The following LATS2 variants were observed in gnomAD, a reference collection of about 807,000 sequenced individuals.
LATS2 encodes the protein serine/threonine-protein kinase LATS2.
In LATS2, 24 loss-of-function variants were observed where a neutral mutation model predicts 76.0. That is an observed-to-expected ratio of 0.32 (90% CI 0.23 to 0.44). The LOEUF (loss-of-function observed/expected upper bound fraction) is 0.44, where lower values mean the gene tolerates loss of function less well. LATS2 is among the 20% of genes least tolerant of loss of function. The pLI, the probability that LATS2 is intolerant of heterozygous loss-of-function variation, is 1.00. For synonymous variants in LATS2, 692 were observed against 635.4 expected, an observed-to-expected ratio of 1.09 and a Z score of -1.34; for missense variants, 1,286 against 1,481.2, an observed-to-expected ratio of 0.87 and a Z score of 2.16.
At chr13:21,051,399 G>T (rs1182835013) in intron 1 of LATS2, among the ~76,000 whole-genome samples, 2 of 152,226 alleles carry the variant, frequency 1.3e-5, no homozygotes, top group Non-Finnish European at 1.5e-5. Context: ...TTTGCCCAAA[G>T]AATTATGGGG....
chr13:21,028,630 G>C (rs1262428783), intron 2 of LATS2, among the ~76,000 whole-genome samples: 1 of 152,144 alleles, frequency 6.6e-6, no homozygotes, highest in African/African-American at 2.4e-5. Flanking sequence ...GAGTGCAGTA[G>C]CGCGATCTTG....
rs754974571 is a variant in LATS2, at chr13:20,974,855, G to A, written c.*15C>T. ...ACCTGGGAGGCAGCGAGTGGTGGGG[G>A]TGCCTGGCCCCCATCTACACGTACA... On this transcript the variant is annotated 3_prime_UTR_variant, in exon 8 of 8. Transcript: ENST00000382592. 3.8e-6 allele frequency: 6 copies of A among 1,588,574 alleles called. No homozygotes were observed. Among genetic ancestry groups the A allele is most frequent in the Non-Finnish European group, 4.3e-6 (5 of 1,166,470 alleles).
At chr13:20,995,988 AG>A (rs1249611847) in intron 2 of LATS2, among the ~76,000 whole-genome samples, 1 of 152,200 alleles carries the variant, frequency 6.6e-6, no homozygotes, top group African/African-American at 2.4e-5. Context: ...AAAACCCTCA[AG>A]AAAGCTTAAT....
In LATS2 at chr13:20,988,616, C is replaced by T. The variant is rs1870317803; in HGVS notation, c.1164G>A (p.Ala388=). Residue 388 remains alanine, a synonymous_variant, in exon 4 of 8, where the codon GCG becomes GCA. Transcript: ENST00000382592. The part of the protein sequence containing the change: ...RDSLQKPGLE[A]PPRAHVAFRP... The stretch of plus-strand genomic sequence containing the variant: ...GGAAGGCCACGTGCGCGCGCGGCGG[C>T]GCCTCCAGGCCCGGCTTCTGCAGGG... 1.3e-6 allele frequency: 2 copies of T among 1,588,854 alleles called. No homozygotes were observed. Among genetic ancestry groups the T allele is most frequent in the South Asian group, 2.2e-5 (2 of 90,208 alleles).
intron 2 of LATS2, among the ~76,000 whole-genome samples, chr13:21,036,857 G>A (rs917830879): frequency 2.6e-5 from 4 of 152,176 alleles, no homozygotes; most frequent in South Asian, 2.1e-4. Flanking sequence ...AGTAGTAGTA[G>A]TGATAATATT....
chr13:21,014,763 A>T (rs1871736096), intron 2 of LATS2, among the ~76,000 whole-genome samples: 1 of 152,242 alleles, frequency 6.6e-6, no homozygotes, highest in South Asian at 2.1e-4. Context: ...ATACCTTTTT[A>T]AAAAAGAATG....
At chr13:21,056,556 C>T (rs146839607) in intron 1 of LATS2, among the ~76,000 whole-genome samples, 1 of 152,148 alleles carries the variant, frequency 6.6e-6, no homozygotes, top group Admixed American at 6.5e-5. Flanking sequence ...TAATAGCAAG[C>T]GACCCAACAG....
In LATS2 at chr13:21,046,666, T is replaced by C. The variant is rs958786295; in HGVS notation, c.-204-436A>G. 2.6e-5 allele frequency among the ~76,000 whole-genome samples: 4 copies of C among 152,204 alleles called. No individual in the cohort carries two copies. The East Asian group carries it at 7.7e-4, about 29-fold the overall frequency. ...TCATCCCCATGGCTTTACTAACCTC[T>C]CCCCCCTCACATGAGATGTGGTCCT... On this transcript the variant is annotated intron_variant, in intron 1 of 7. Transcript: ENST00000382592.
At chr13:21,004,557 C>T (rs886772110) in intron 2 of LATS2, among the ~76,000 whole-genome samples, 15 of 152,152 alleles carry the variant, frequency 9.9e-5, no homozygotes, top group Admixed American at 9.8e-4. Context: ...TGTGTGTCAG[C>T]ATGAACTTGC....
chr13:21,020,796 C>T (rs9509488), intron 2 of LATS2, among the ~76,000 whole-genome samples: 82,891 of 152,068 alleles, frequency 0.55, 25,878 homozygotes, highest in Non-Finnish European at 0.7. Flanking sequence ...GTCATGCAAG[C>T]AGGCCTCTCT....
intron 6 of LATS2, among the ~76,000 whole-genome samples, chr13:20,980,378 G>A (rs3087910): frequency 4.3e-4 from 66 of 152,286 alleles, no homozygotes; most frequent in Non-Finnish European, 8.7e-4. Flanking sequence ...GGCTAGGCTC[G>A]TTTACCTCTT....
Position 20,988,322 on chromosome 13 carries a change from G to A in LATS2, c.1458C>T (p.Ala486=). ...APAPAAEGLD[A]KEEHALALGG... ...CCAGCGCCAGGGCATGCTCCTCCTTGGCGTCCAAGCCCTCCGCAGCCGGGG... is the reference window on the plus strand; with the variant it reads ...CCAGCGCCAGGGCATGCTCCTCCTTAGCGTCCAAGCCCTCCGCAGCCGGGG... The change falls in exon 4 of 8, where the codon GCC becomes GCT. Residue 486 remains alanine, a synonymous_variant. Transcript: ENST00000382592. 6.7e-7 allele frequency: 1 copy of A among 1,482,350 alleles called. No homozygotes were observed. The highest frequency in any genetic ancestry group is 9.0e-7 in the Non-Finnish European group (1 of 1,114,662). 91.8% of individuals were successfully genotyped at this position (1,482,350 alleles called of 1,614,324 possible).
chr13:21,057,035 A>C (rs1873470996), intron 1 of LATS2, among the ~76,000 whole-genome samples: 1 of 152,174 alleles, frequency 6.6e-6, no homozygotes, highest in Admixed American at 6.5e-5. Context: ...GTAAGAATGG[A>C]GTTAACTAGT....
At chr13:21,038,228 G>C in intron 2 of LATS2, among the ~76,000 whole-genome samples, 1 of 152,218 alleles carries the variant, frequency 6.6e-6, no homozygotes, top group Middle Eastern at 3.4e-3. Flanking sequence ...CCTGTACCGG[G>C]GGCAGGAGAG....
chr13:21,012,574 T>G (rs1871635575), intron 2 of LATS2, among the ~76,000 whole-genome samples: 1 of 152,268 alleles, frequency 6.6e-6, no homozygotes, highest in Admixed American at 6.5e-5. Flanking sequence ...GGACCTTTTC[T>G]AGTCAAATTT....
At chr13:21,010,443 C>T (rs984054520) in intron 2 of LATS2, among the ~76,000 whole-genome samples, 90 of 152,206 alleles carry the variant, frequency 5.9e-4, no homozygotes, top group African/African-American at 2.1e-3. Context: ...TATAGTCCTT[C>T]CAATCAGCTT....
chr13:21,052,134 T>G lies in LATS2; in HGVS notation c.-204-5904A>C, dbSNP rs187400583. 6.6e-5 allele frequency among the ~76,000 whole-genome samples: 10 copies of G among 152,304 alleles called. No individual in the cohort carries two copies. The East Asian group carries it at 1.9e-3, about 29-fold the overall frequency. ...ACCAAGGGTCTAACACCCGCTACTGTCTACCTGACAGGCTTGCCTTGAGGA... is the reference window on the plus strand; with the variant it reads ...ACCAAGGGTCTAACACCCGCTACTGGCTACCTGACAGGCTTGCCTTGAGGA... On this transcript the variant is annotated intron_variant, in intron 1 of 7. Transcript: ENST00000382592.
chr13:21,024,689 TA>T (rs35621454), intron 2 of LATS2, among the ~76,000 whole-genome samples: 109,405 of 142,940 alleles, frequency 0.77, 41,552 homozygotes, highest in East Asian at 0.88. Context: ...ATACCCACAT[TA>T]AAAAAAAAAA....
rs1420585199 is a variant in LATS2 at position 20,973,852 on chromosome 13, A to G, written c.*1018T>C. 30 of 229,364 alleles carry G rather than the reference A, an allele frequency of 1.3e-4. No individual in the cohort carries two copies. The East Asian group carries it at 1.9e-3, about 15-fold the overall frequency. 14.2% of individuals were successfully genotyped at this position (229,364 alleles called of 1,614,324 possible). A position where few individuals can be genotyped will look rare whatever the true frequency, so the allele number is the denominator to read the frequency against. Reference sequence around the variant, plus strand: ...TGGCATTCCACATACCAGCTCTACCAAGAATGAAAGAGCATACGGACTACA... The same window carrying G: ...TGGCATTCCACATACCAGCTCTACCGAGAATGAAAGAGCATACGGACTACA... On this transcript the variant is annotated 3_prime_UTR_variant, in exon 8 of 8. Coordinates refer to ENST00000382592, the MANE Select transcript of LATS2 (RefSeq NM_014572.3).
Sources: allele counts gnomAD v4.1 joint callset (sites outside exome capture counted in the v4.1 genomes callset), GRCh38; gene constraint gnomAD v4.1.1; transcripts MANE v1.5; gene names NCBI Gene and HGNC (gene_info 2026-07-23, HGNC 2026-07-21).